The following DIPK1A variants were observed in gnomAD, a reference collection of about 807,000 sequenced individuals.
DIPK1A encodes the protein family with sequence similarity 69 member A.
Under a neutral mutation model 40.8 loss-of-function variants are expected in DIPK1A, and 27 were observed. The ratio of observed to expected loss-of-function variants is 0.66; its 90% CI spans 0.49 to 0.91. The LOEUF is 0.91. DIPK1A is among the 40% of genes least tolerant of loss of function. The pLI is 0.00. For missense variants in DIPK1A, 412 were observed against 505.7 expected, an observed-to-expected ratio of 0.81 and a Z score of 1.78; for synonymous variants, 166 against 171.3, an observed-to-expected ratio of 0.97 and a Z score of 0.24.
At chr1:92,867,860 T>C (rs901932286) in intron 2 of DIPK1A, among the ~76,000 whole-genome samples, 2 of 152,170 alleles carry the variant, frequency 1.3e-5, no homozygotes, top group Admixed American at 1.3e-4. Context: ...TCCTAAGCAA[T>C]GATTTCAGCT....
At chr1:92,836,274 G>T (rs746606485) in intron 4 of DIPK1A, 1 of 1,614,106 alleles carries the variant, frequency 6.2e-7, no homozygotes, top group Non-Finnish European at 8.5e-7. Context: ...AAGCATTGAT[G>T]GTCAGCCAGG....
intron 4 of DIPK1A, chr1:92,835,076 C>G (rs1413078409): frequency 3.9e-6 from 4 of 1,014,170 alleles, no homozygotes; most frequent in Non-Finnish European, 5.9e-6. Context: ...TCAGCTCTTT[C>G]CAATAAAATT....
At position 92,869,152 on chromosome 1, in the gene DIPK1A, C is replaced by CTATTATTAT. The variant is rs10688368; in HGVS notation, c.189+7135_189+7143dup. On this transcript the variant is annotated intron_variant, in intron 2 of 4. Coordinates refer to ENST00000370310, the MANE Select transcript of DIPK1A (RefSeq NM_001006605.5). ...AGTTACCTTGAAAATAAATATTACA[C>CTATTATTAT]TATTATTATTATTATTATTATTATT... is the stretch of plus-strand genomic sequence containing the variant. Among the ~76,000 whole-genome samples, 1,413 of 146,278 alleles carry CTATTATTAT rather than the reference C, an allele frequency of 9.7e-3. 22 individuals are homozygous for CTATTATTAT. The highest frequency in any genetic ancestry group is 0.032 in the African/African-American group (1,288 of 39,794).
At chr1:92,896,590 C>CA (rs1357340711) in intron 1 of DIPK1A, among the ~76,000 whole-genome samples, 5 of 148,598 alleles carry the variant, frequency 3.4e-5, no homozygotes, top group Non-Finnish European at 7.5e-5. Flanking sequence ...AGGACATAGG[C>CA]ATGGGCAAGG....
intron 1 of DIPK1A, chr1:92,931,488 G>C (rs946989633): frequency 6.1e-6 from 1 of 163,408 alleles, no homozygotes; most frequent in Non-Finnish European, 1.4e-5. Flanking sequence ...AGCACTTTGG[G>C]AGGTTGATGC....
chr1:92,931,312 G>T, intron 1 of DIPK1A: 1 of 215,430 alleles, frequency 4.6e-6, no homozygotes, highest in Non-Finnish European at 1.0e-5. Flanking sequence ...CCCATGTGCA[G>T]ACCCCATCAT....
chr1:92,846,826 T>C (rs1220637805), intron 4 of DIPK1A, among the ~76,000 whole-genome samples: 1 of 7,216 alleles, frequency 1.4e-4, no homozygotes, highest in African/African-American at 1.1e-3. Flanking sequence ...TATATATATA[T>C]ATATATATAT....
chr1:92,837,439 G>A (rs750119521), downstream of DIPK1A: 4 of 1,604,558 alleles, frequency 2.5e-6, no homozygotes, highest in Admixed American at 6.7e-5. Flanking sequence ...ACTAAAATAT[G>A]AATAACTTTA....
intron 2 of DIPK1A, among the ~76,000 whole-genome samples, chr1:92,851,492 G>A (rs182485518): frequency 3.3e-4 from 40 of 120,960 alleles, no homozygotes; most frequent in East Asian, 2.7e-3. Flanking sequence ...GTGGTGAGCC[G>A]AGATCATGCC....
Position 92,876,372 on chromosome 1 carries a change from A to G in DIPK1A, c.113T>C (p.Val38Ala), listed in dbSNP as rs1648125708. ...CTGCACATATATAATCCAGCTTCCA[A>G]CAAAAACCACTAACCAGGAAAAGAA... Reference protein sequence around the residue: ...YLFFSWLVVFVGSWIIYVQYS... With the variant: ...YLFFSWLVVFAGSWIIYVQYS... Residue 38 changes from valine to alanine, a missense_variant, in exon 2 of 5, where the codon GTT (valine) becomes GCT (alanine). Transcript: ENST00000370310. 2 of 1,613,334 alleles carry G rather than the reference A, an allele frequency of 1.2e-6. No individual in the cohort carries two copies. The highest frequency in any genetic ancestry group is 1.1e-5 in the South Asian group (1 of 91,036).
chr1:92,839,960 CCT>C (rs1215779794), downstream of DIPK1A, among the ~76,000 whole-genome samples: 1 of 151,614 alleles, frequency 6.6e-6, no homozygotes, highest in Non-Finnish European at 1.5e-5. Flanking sequence ...CCCACCTCAG[CCT>C]CTCGAGGTAG....
At chr1:92,870,933 T>C (rs1468624009) in intron 2 of DIPK1A, among the ~76,000 whole-genome samples, 1 of 152,208 alleles carries the variant, frequency 6.6e-6, no homozygotes, top group East Asian at 1.9e-4. Context: ...TACTGCAGTG[T>C]AGTTCAACTT....
At position 92,876,373 on chromosome 1, in the gene DIPK1A, C is replaced by G; in HGVS notation, c.112G>C (p.Val38Leu). ...YLFFSWLVVFVGSWIIYVQYS... is the reference protein window; with the variant it reads ...YLFFSWLVVFLGSWIIYVQYS... ...TGCACATATATAATCCAGCTTCCAACAAAAACCACTAACCAGGAAAAGAAA... is the reference window on the plus strand; with the variant it reads ...TGCACATATATAATCCAGCTTCCAAGAAAAACCACTAACCAGGAAAAGAAA... The change falls in exon 2 of 5, where the codon GTT becomes CTT. Residue 38 changes from valine (V) to leucine (L), a missense_variant. Val to Leu is a conservative substitution (Grantham distance 32). Transcript: ENST00000370310. The G allele has an allele frequency of 6.2e-7, 1 of 1,613,196 alleles. No individual in the cohort carries two copies. Among genetic ancestry groups the G allele is most frequent in the Non-Finnish European group, 8.5e-7 (1 of 1,179,378 alleles).
intron 1 of DIPK1A, among the ~76,000 whole-genome samples, chr1:92,883,032 G>T (rs969158970): frequency 1.3e-5 from 2 of 152,190 alleles, no homozygotes; most frequent in African/African-American, 2.4e-5. Context: ...TGGGGTGGGT[G>T]CAATTCTAGG....
intron 1 of DIPK1A, chr1:92,931,411 A>C (rs571247187): frequency 4.3e-6 from 1 of 231,644 alleles, no homozygotes; most frequent in South Asian, 6.9e-5. Context: ...ATTTTTTAAA[A>C]CAAAAGATGT....
intron 1 of DIPK1A, among the ~76,000 whole-genome samples, chr1:92,922,333 C>CTTTTTTTTT (rs368331487): frequency 6.9e-6 from 1 of 144,644 alleles, no homozygotes; most frequent in African/African-American, 2.5e-5. Flanking sequence ...TTTTTCTTTT[C>CTTTTTTTTT]TTTTTTTTTT....
At chr1:92,921,736 C>T (rs1328235136) in intron 1 of DIPK1A, among the ~76,000 whole-genome samples, 3 of 152,146 alleles carry the variant, frequency 2.0e-5, no homozygotes, top group South Asian at 2.1e-4. Context: ...TTTCAAGTAC[C>T]AAACCAGGGT....
rs1687415135 is a variant in DIPK1A, at chr1:92,842,516, CTT to C, written c.*865_*866del. On this transcript the variant is annotated 3_prime_UTR_variant, in exon 5 of 5. Transcript: ENST00000370310. ...GATAAATAAATACATTTACATGCCT[CTT>C]TAAGAAATAGCCCTTTGGCCCACAG... is the stretch of plus-strand genomic sequence containing the variant. 3 of 982,448 alleles carry C rather than the reference CTT, an allele frequency of 3.1e-6. No individual in the cohort carries two copies. The highest frequency in any genetic ancestry group is 9.4e-5 in the South Asian group (2 of 21,206). 60.9% of individuals were successfully genotyped at this position (982,448 alleles called of 1,614,324 possible).
chr1:92,880,344 G>A (rs779934359), intron 1 of DIPK1A, among the ~76,000 whole-genome samples: 1 of 152,128 alleles, frequency 6.6e-6, no homozygotes, highest in African/African-American at 2.4e-5. Flanking sequence ...AATAACAGAA[G>A]CAGTTATCAC....
Sources: allele counts gnomAD v4.1 joint callset (sites outside exome capture counted in the v4.1 genomes callset), GRCh38; gene constraint gnomAD v4.1.1; transcripts MANE v1.5; gene names NCBI Gene and HGNC (gene_info 2026-07-23, HGNC 2026-07-21).